The following PIGF variants were observed in gnomAD, a reference collection of about 807,000 sequenced individuals.
The protein encoded by PIGF is phosphatidylinositol glycan anchor biosynthesis class F.
In PIGF, 23 loss-of-function variants were observed where a neutral mutation model predicts 26.0. That is an observed-to-expected ratio of 0.88 (90% CI 0.64 to 1.25). The LOEUF is 1.25. PIGF is among the 50% of genes most tolerant of loss of function. PIGF has a pLI of 0.00. For missense variants in PIGF, 278 were observed against 249.9 expected (o/e 1.11, Z -0.76); for synonymous variants, 93 against 92.6 (o/e 1.00, Z -0.03).
At chr2:46,615,286 T>C in intron 1 of PIGF, 101 bp from the exon 2 acceptor site, 1 of 610,568 alleles carries the variant, frequency 1.6e-6, no homozygotes, top group East Asian at 2.7e-5. Context: ...CAATTTTCTA[T>C]GAGCAATGTA....
chr2:46,592,130 T>C lies in PIGF; in HGVS notation c.546+345A>G, dbSNP rs556808639. Among the ~76,000 whole-genome samples the C allele has an allele frequency of 1.1e-4, 16 of 152,244 alleles. No individual in the cohort carries two copies. In the South Asian group the frequency reaches 1.9e-3, roughly 18 times the overall value. On this transcript the variant is annotated intron_variant, in intron 5 of 5. Coordinates refer to ENST00000281382, the MANE Select transcript of PIGF (RefSeq NM_002643.4). ...CACTTGGGAGGCTGAAGCAGGAAGA[T>C]CGTTTAGGCCCAAGCATTAGAGGAC...
At chr2:46,610,526 CT>C (rs10690699) in intron 4 of PIGF, among the ~76,000 whole-genome samples, 290 of 110,296 alleles carry the variant, frequency 2.6e-3, no homozygotes, top group African/African-American at 6.1e-3. Flanking sequence ...GTACTGATTC[CT>C]TTTTTTTTTT....
At chr2:46,601,594 T>A (rs1320305564) in intron 4 of PIGF, among the ~76,000 whole-genome samples, 1 of 152,120 alleles carries the variant, frequency 6.6e-6, no homozygotes, top group Non-Finnish European at 1.5e-5. Context: ...AATTCTAATA[T>A]AAATGTTTTC....
rs770273168 is a variant in PIGF at position 46,592,510 on chromosome 2, G to C, written c.511C>G (p.Leu171Val). 21 of 1,608,118 alleles carry C rather than the reference G, an allele frequency of 1.3e-5. No homozygotes were observed. Among genetic ancestry groups the C allele is most frequent in the Middle Eastern group, 1.7e-4 (1 of 6,054 alleles). The change falls in exon 5 of 6, where the codon CTT becomes GTT. Residue 171 changes from leucine (L) to valine (V), a missense_variant. Coordinates refer to ENST00000281382, the MANE Select transcript of PIGF (RefSeq NM_002643.4). ...CTTTCCCAATCCAGTGGAATAGGAA[G>C]TGCTCCAAGCCATGCTCCTACAAAG... ...SSFVGAWLGA[L>V]PIPLDWERPW...
intron 5 of PIGF, chr2:46,581,987 G>A: frequency 6.3e-6 from 1 of 158,474 alleles, no homozygotes; most frequent in Non-Finnish European, 1.4e-5. Context: ...TGTGTATGCT[G>A]ACCAAACCAC....
chr2:46,591,664 T>A (rs17035346), intron 5 of PIGF: 13 of 1,002,330 alleles, frequency 1.3e-5, no homozygotes, highest in Non-Finnish European at 1.6e-5. Context: ...TTATAAAGTA[T>A]ATAATGGCAT....
intron 5 of PIGF, chr2:46,591,301 C>G (rs773639391): frequency 6.6e-6 from 1 of 152,444 alleles, no homozygotes; most frequent in Non-Finnish European, 1.5e-5. Flanking sequence ...ATTATAGTTA[C>G]AGGCATGGAG....
intron 4 of PIGF, among the ~76,000 whole-genome samples, chr2:46,599,379 T>A (rs1669988557): frequency 6.6e-6 from 1 of 152,178 alleles, no homozygotes; most frequent in Non-Finnish European, 1.5e-5. Flanking sequence ...TTCTATCACA[T>A]CTTTGAATCA....
chr2:46,600,126 T>C (rs978365735), intron 4 of PIGF, among the ~76,000 whole-genome samples: 3 of 152,244 alleles, frequency 2.0e-5, no homozygotes, highest in Non-Finnish European at 4.4e-5. Context: ...ACGCCTCCTC[T>C]TAGAAATCAG....
At chr2:46,613,474 G>A (rs556173194) in intron 3 of PIGF, among the ~76,000 whole-genome samples, 1 of 152,144 alleles carries the variant, frequency 6.6e-6, no homozygotes, top group South Asian at 2.1e-4. Context: ...CTCTCAACAT[G>A]CAATTGGATA....
intron 4 of PIGF, among the ~76,000 whole-genome samples, chr2:46,601,984 T>C (rs905680195): frequency 6.6e-6 from 1 of 151,930 alleles, no homozygotes; most frequent in Non-Finnish European, 1.5e-5. Context: ...ATGAACTATA[T>C]GGGTGTATAG....
intron 4 of PIGF, among the ~76,000 whole-genome samples, chr2:46,595,610 T>C (rs1428102871): frequency 6.6e-6 from 1 of 152,224 alleles, no homozygotes; most frequent in Non-Finnish European, 1.5e-5. Flanking sequence ...CTCTTGGGAT[T>C]ACACCTAGGA....
intron 4 of PIGF, among the ~76,000 whole-genome samples, chr2:46,608,273 C>T (rs1341729606): frequency 6.6e-6 from 1 of 152,188 alleles, no homozygotes; most frequent in African/African-American, 2.4e-5. Context: ...TTTTCTTTCT[C>T]ATCCAGAAGT....
chr2:46,604,736 G>A (rs1419489987), intron 4 of PIGF, among the ~76,000 whole-genome samples: 2 of 151,856 alleles, frequency 1.3e-5, no homozygotes, highest in African/African-American at 4.8e-5. Context: ...GGTGGGGGGT[G>A]CAGAGAATGT....
rs754734469 is a variant in PIGF at position 46,592,462 on chromosome 2, A to G, written c.546+13T>C. On this transcript the variant is annotated intron_variant, in intron 5 of 5. Coordinates refer to ENST00000281382, the MANE Select transcript of PIGF (RefSeq NM_002643.4). The stretch of plus-strand genomic sequence containing the variant: ...AAACATTTATTTTGTTGCTTTAAGT[A>G]ACTGAAACCAACCTGCCATGGTCTT... 3.0e-6 allele frequency: 4 copies of G among 1,344,890 alleles called. No individual in the cohort carries two copies. The South Asian group carries it at 4.7e-5, about 16-fold the overall frequency. 83.3% of individuals were successfully genotyped at this position (1,344,890 alleles called of 1,614,324 possible).
chr2:46,613,051 T>C (rs1157898025), intron 3 of PIGF, among the ~76,000 whole-genome samples: 1 of 150,956 alleles, frequency 6.6e-6, no homozygotes, highest in Non-Finnish European at 1.5e-5. Flanking sequence ...TAAATATATA[T>C]ATATATATAA....
intron 5 of PIGF, chr2:46,581,893 G>C (rs554882407): frequency 2.5e-4 from 61 of 248,722 alleles, no homozygotes; most frequent in South Asian, 1.7e-3. Context: ...CATAATGATA[G>C]ACTCAATTTA....
intron 4 of PIGF, among the ~76,000 whole-genome samples, chr2:46,603,290 G>A (rs1449837277): frequency 6.6e-6 from 1 of 151,932 alleles, no homozygotes; most frequent in Non-Finnish European, 1.5e-5. Flanking sequence ...ACTACCCAAA[G>A]CAATCCACAG....
chr2:46,605,898 AT>A (rs1217508430), intron 4 of PIGF, among the ~76,000 whole-genome samples: 5 of 152,252 alleles, frequency 3.3e-5, no homozygotes, highest in African/African-American at 1.2e-4. Context: ...TTATTAAAAT[AT>A]TTTTGCATTG....
Sources: allele counts gnomAD v4.1 joint callset (sites outside exome capture counted in the v4.1 genomes callset), GRCh38; gene constraint gnomAD v4.1.1; transcripts MANE v1.5; gene names NCBI Gene and HGNC (gene_info 2026-07-23, HGNC 2026-07-21).